The following SCOC variants were observed in gnomAD, a reference collection of about 807,000 sequenced individuals.
SCOC encodes short coiled coil protein.
SCOC carries 7 observed loss-of-function variants against 9.9 expected under a neutral mutation model. The ratio of observed to expected loss-of-function variants is 0.71; its 90% confidence interval spans 0.40 to 1.33. SCOC has a LOEUF of 1.33. Among genes scored for constraint, SCOC ranks in the 40% most tolerant of loss-of-function variants. The pLI, the probability that SCOC is intolerant of heterozygous loss-of-function variation, is 0.01. For synonymous variants in SCOC, 19 were observed against 28.2 expected (o/e 0.67, Z 1.03); for missense variants, 66 against 89.7 (o/e 0.74, Z 1.07).
intron 2 of SCOC, among the ~76,000 whole-genome samples, chr4:140,353,450 C>CGCTGGAGT (rs1560715477): frequency 6.8e-6 from 1 of 146,852 alleles, no homozygotes; most frequent in East Asian, 2.0e-4. Flanking sequence ...CTCTCTCTGT[C>CGCTGGAGT]GCCAGGCTGG....
intron 2 of SCOC, chr4:140,343,757 A>C: frequency 7.1e-6 from 9 of 1,273,670 alleles, no homozygotes; most frequent in African/African-American, 1.5e-5. Context: ...ACAACAGCTC[A>C]GTTTTTTAAA....
At chr4:140,281,194 G>C (rs925933161) in intron 1 of SCOC, among the ~76,000 whole-genome samples, 8 of 151,490 alleles carry the variant, frequency 5.3e-5, no homozygotes, top group African/African-American at 2.0e-4. Flanking sequence ...GAAGAGGCGA[G>C]GTGGCACTCA....
At chr4:140,272,659 A>G (rs1470354048) in intron 1 of SCOC, among the ~76,000 whole-genome samples, 1 of 152,208 alleles carries the variant, frequency 6.6e-6, no homozygotes, top group African/African-American at 2.4e-5. Flanking sequence ...TGAATGAAGC[A>G]TATTGAAACA....
At chr4:140,329,127 G>C (rs549776992) in intron 1 of SCOC, among the ~76,000 whole-genome samples, 1 of 152,300 alleles carries the variant, frequency 6.6e-6, no homozygotes, top group Non-Finnish European at 1.5e-5. Flanking sequence ...ACAGAATAGA[G>C]AACCCAGAAA....
At chr4:140,311,354 C>T (rs1732150959) in intron 1 of SCOC, among the ~76,000 whole-genome samples, 1 of 152,136 alleles carries the variant, frequency 6.6e-6, no homozygotes, top group African/African-American at 2.4e-5. Context: ...ATTCAACTAC[C>T]AATGCTGTAA....
At chr4:140,275,820 G>GTTTT (rs1175950527) in intron 1 of SCOC, among the ~76,000 whole-genome samples, 171 of 90,490 alleles carry the variant, frequency 1.9e-3, no homozygotes, top group Non-Finnish European at 2.7e-3. Context: ...GCTCAGGTTT[G>GTTTT]TTTTTTTTTT....
intron 1 of SCOC, among the ~76,000 whole-genome samples, chr4:140,273,963 G>C (rs1350265141): frequency 2.0e-5 from 3 of 152,164 alleles, no homozygotes; most frequent in Admixed American, 6.5e-5. Flanking sequence ...ATTTGACTTT[G>C]ATAAGTCTCA....
intron 2 of SCOC, 99 bp from the exon 3 acceptor site, chr4:140,379,470 G>A (rs1728479297): frequency 1.1e-6 from 1 of 877,202 alleles, no homozygotes; most frequent in Non-Finnish European, 1.8e-6. Context: ...TATAAGTCAA[G>A]TAAGAATGAA....
chr4:140,301,077 A>G (rs531838422), intron 1 of SCOC, among the ~76,000 whole-genome samples: 1 of 152,344 alleles, frequency 6.6e-6, no homozygotes, highest in South Asian at 2.1e-4. Context: ...TCATGGTCCC[A>G]GGAGAAAGGC....
chr4:140,352,785 A>G (rs977831268), intron 2 of SCOC, among the ~76,000 whole-genome samples: 1 of 152,178 alleles, frequency 6.6e-6, no homozygotes, highest in African/African-American at 2.4e-5. Flanking sequence ...TTGGTTGCCT[A>G]TATGTTTTTT....
At position 140,384,243 on chromosome 4, in the gene SCOC, TGC is replaced by T. The variant is rs1728644610; in HGVS notation, c.*3140_*3141del. The T allele has an allele frequency of 6.6e-6, 1 of 152,228 alleles. No homozygotes were observed. The highest frequency in any genetic ancestry group is 1.5e-5 in the Non-Finnish European group (1 of 68,038). The allele number at this position is 152,228 out of a possible 1,614,324, so 9.4% of individuals were successfully genotyped here. A position where few individuals can be genotyped will look rare whatever the true frequency, so the allele number is the denominator to read the frequency against. ...AGTAGGTGTCAAAATATATCCCCAC[TGC>T]TTGTCATGTTAATGGTAAGCTAATG... On this transcript the variant is annotated 3_prime_UTR_variant, in exon 4 of 4. Coordinates refer to ENST00000608372, the MANE Select transcript of SCOC (RefSeq NM_001153484.2).
intron 2 of SCOC, among the ~76,000 whole-genome samples, chr4:140,353,819 C>G (rs1727088915): frequency 6.6e-6 from 1 of 152,194 alleles, no homozygotes; most frequent in African/African-American, 2.4e-5. Context: ...CTGGGTCTTC[C>G]CTCCACCAGC....
chr4:140,329,030 C>T (rs1243742416), intron 1 of SCOC, among the ~76,000 whole-genome samples: 1 of 152,172 alleles, frequency 6.6e-6, no homozygotes, highest in Non-Finnish European at 1.5e-5. Flanking sequence ...GAAGGCATCA[C>T]ATTACCCAAC....
upstream of SCOC, among the ~76,000 whole-genome samples, chr4:140,341,753 A>G (rs1043949057): frequency 3.3e-5 from 5 of 152,180 alleles, no homozygotes; most frequent in Non-Finnish European, 5.9e-5. Flanking sequence ...GAAATCCATA[A>G]CTACATTTGT....
chr4:140,381,090 A>C lies in SCOC; in HGVS notation c.235A>C (p.Ser79Arg). ...SSVFQTTDTK[S>R]KRK is the part of the protein sequence containing the mutation. ...TGTTTTTCAAACAACTGACACAAAA[A>C]GCAAAAGAAAGTAAGGGATTGACAC... The change falls in exon 4 of 4, where the codon AGC becomes CGC. Residue 79 changes from serine (S) to arginine (R), a missense_variant. Coordinates refer to ENST00000608372, the MANE Select transcript of SCOC (RefSeq NM_001153484.2). 1 of 1,597,462 alleles carries C rather than the reference A, an allele frequency of 6.3e-7. No individual in the cohort carries two copies. Among genetic ancestry groups the C allele is most frequent in the Non-Finnish European group, 8.5e-7 (1 of 1,176,076 alleles).
intron 2 of SCOC, among the ~76,000 whole-genome samples, chr4:140,355,218 T>TATATATATG (rs1400926305): frequency 0.16 from 1,615 of 10,094 alleles, 33 homozygotes; most frequent in African/African-American, 0.31. Flanking sequence ...TTTTTATATA[T>TATATATATG]ATATATATAT....
intron 1 of SCOC, among the ~76,000 whole-genome samples, chr4:140,282,227 T>C (rs1578766661): frequency 6.6e-6 from 1 of 152,214 alleles, no homozygotes; most frequent in South Asian, 2.1e-4. Flanking sequence ...GGGAAATCAT[T>C]TAAATTCATC....
chr4:140,376,325 A>T (rs576137002), intron 1 of SCOC: 36 of 152,302 alleles, frequency 2.4e-4, no homozygotes, highest in African/African-American at 7.9e-4. Flanking sequence ...GCATTTTGAG[A>T]TGGGTCTATT....
intron 1 of SCOC, among the ~76,000 whole-genome samples, chr4:140,310,208 C>T (rs1732110362): frequency 6.6e-6 from 1 of 152,136 alleles, no homozygotes; most frequent in African/African-American, 2.4e-5. Flanking sequence ...ACCAGTTGTA[C>T]TTGGTTGGGT....
Sources: gnomAD v4.1 joint callset for allele counts (sites outside exome capture counted in the v4.1 genomes callset) on GRCh38, gnomAD v4.1.1 for gene constraint, MANE v1.5 for transcripts, NCBI Gene and HGNC (gene_info 2026-07-23, HGNC 2026-07-21) for gene names.